Variants in PKHD1 observed in about 807,000 individuals in gnomAD.
The protein encoded by PKHD1 is fibrocystin.
Under a neutral mutation model 412.0 loss-of-function variants are expected in PKHD1, and 291 were observed. That is an observed-to-expected ratio of 0.71 (90% CI 0.64 to 0.78). The LOEUF is 0.78. Among genes scored for constraint, PKHD1 ranks in the 30% least tolerant of loss-of-function variants. The probability of loss-of-function intolerance (pLI) is 0.00; values close to 1 mark genes in which losing one functional copy is unlikely to be tolerated. For missense variants in PKHD1, 4,825 were observed against 4,950.7 expected, an observed-to-expected ratio of 0.97 and a Z score of 0.76; for synonymous variants, 1,777 against 1,821.5, an observed-to-expected ratio of 0.98 and a Z score of 0.62.
intron 27 of PKHD1, among the ~76,000 whole-genome samples, chr6:52,041,508 T>C (rs1804887217): frequency 1.3e-5 from 2 of 152,140 alleles, no homozygotes; most frequent in African/African-American, 4.8e-5. Flanking sequence ...GATTAACTCA[T>C]AGGTGGCAGG....
Position 51,855,985 on chromosome 6 carries a change from A to G in PKHD1, c.7819T>C (p.Leu2607=). The G allele has an allele frequency of 6.2e-7, 1 of 1,610,584 alleles. No individual in the cohort carries two copies. ...GCCATCCAGCCACGAGGGTTAGACA[A>G]TGTATCACGTACATAATTGACAGTG... ...TTTVNYVRDT[L]SNPRGWMALL... Residue 2607 remains leucine, a synonymous_variant, in exon 49 of 67, where the codon TTG becomes CTG. Coordinates refer to ENST00000371117, the MANE Select transcript of PKHD1 (RefSeq NM_138694.4).
chr6:51,618,922 T>C lies in PKHD1; in HGVS notation c.*159A>G. 1.4e-6 allele frequency: 1 copy of C among 721,274 alleles called. No homozygotes were observed. The highest frequency in any genetic ancestry group is 1.7e-5 in the African/African-American group (1 of 57,370). The allele number at this position is 721,274 out of a possible 1,614,324, so 44.7% of individuals were successfully genotyped here. On this transcript the variant is annotated 3_prime_UTR_variant, in exon 67 of 67. Transcript: ENST00000371117. ...AGACATTTTTCAGTCTGTAAGCATT[T>C]ATATGACTGTTTTCCATTTTAAAGT... is the stretch of plus-strand genomic sequence containing the variant.
chr6:52,003,747 T>C (rs1326570574), intron 35 of PKHD1, among the ~76,000 whole-genome samples: 1 of 152,240 alleles, frequency 6.6e-6, no homozygotes, highest in Non-Finnish European at 1.5e-5. Context: ...TTCAACTGAT[T>C]ACCATAGCTT....
At chr6:51,642,411 G>T (rs757822160) in intron 63 of PKHD1, among the ~76,000 whole-genome samples, 1 of 152,154 alleles carries the variant, frequency 6.6e-6, no homozygotes, top group African/African-American at 2.4e-5. Flanking sequence ...TATGAGTAAG[G>T]TACAGACTAT....
At chr6:51,619,557 G>A in intron 66 of PKHD1, 37 bp from the exon 67 acceptor site, 1 of 1,540,784 alleles carries the variant, frequency 6.5e-7, no homozygotes, top group Non-Finnish European at 9.0e-7. Context: ...AATGGATTTA[G>A]TTTTCAACCA....
At chr6:51,652,559 CTT>C (rs1207566499) in intron 61 of PKHD1, among the ~76,000 whole-genome samples, 1 of 9,446 alleles carries the variant, frequency 1.1e-4, no homozygotes, top group Admixed American at 1.4e-3. Flanking sequence ...TTTTATCTCT[CTT>C]GTTTTTTTTT....
chr6:52,082,144 C>A lies in PKHD1; in HGVS notation c.281+248G>T, dbSNP rs537605979. ...CCATAGAACTCTTTGCAAAAAAAAA[C>A]AAATGGAAACACAATCCAGCCCCTC... On this transcript the variant is annotated intron_variant, in intron 4 of 66. Coordinates refer to ENST00000371117, the MANE Select transcript of PKHD1 (RefSeq NM_138694.4). Among the ~76,000 whole-genome samples the A allele has an allele frequency of 5.3e-5, 8 of 151,830 alleles. No individual in the cohort carries two copies. The East Asian group carries it at 7.7e-4, about 15-fold the overall frequency.
chr6:51,783,799 T>C (rs1253679774), intron 53 of PKHD1, among the ~76,000 whole-genome samples: 3 of 152,210 alleles, frequency 2.0e-5, no homozygotes, highest in East Asian at 3.8e-4. Flanking sequence ...AAAATGAAAA[T>C]ACTTTGAATC....
chr6:51,938,091 T>G (rs1450474560), intron 36 of PKHD1, among the ~76,000 whole-genome samples: 1 of 151,320 alleles, frequency 6.6e-6, no homozygotes, highest in Admixed American at 6.6e-5. Flanking sequence ...TTTGTAAAAC[T>G]AATGAAAGGC....
rs781231953 is a variant in PKHD1, at chr6:52,045,036, A to G, written c.2645T>C (p.Val882Ala). ...GVNPAAATRV[V>A]YDGGVFLGPI... ...TCCAAGAAAAACTCCACCATCATAT[A>G]CCACACGCGTGGCTGCAGCAGGATT... is the stretch of plus-strand genomic sequence containing the variant. Residue 882 changes from valine (V) to alanine (A), a missense_variant, in exon 25 of 67, where the codon GTA becomes GCA. Physicochemically the swap from Val to Ala is moderately conservative, Grantham distance 64. Transcript: ENST00000371117. 4 of 1,613,262 alleles carry G rather than the reference A, an allele frequency of 2.5e-6. No individual in the cohort carries two copies. The Admixed American group carries it at 6.7e-5, about 27-fold the overall frequency.
At chr6:51,778,041 A>G (rs1418417549) in intron 53 of PKHD1, among the ~76,000 whole-genome samples, 4 of 152,154 alleles carry the variant, frequency 2.6e-5, no homozygotes, top group Admixed American at 2.6e-4. Flanking sequence ...CTATTGCAAC[A>G]TAAAAATGAA....
In PKHD1 at chr6:51,866,820, T is replaced by C. The variant is rs569976005; in HGVS notation, c.7733+1043A>G. Among the ~76,000 whole-genome samples the C allele has an allele frequency of 9.8e-4, 149 of 152,284 alleles. 1 individual carries two copies. The highest frequency in any genetic ancestry group is 1.8e-3 in the Non-Finnish European group (121 of 68,002). On this transcript the variant is annotated intron_variant, in intron 48 of 66. Transcript: ENST00000371117. ...ATCCCTGAGAATGAAGAAAAAGTCA[T>C]GCTCTGCACAATCAAAATGATTAGA... is the stretch of plus-strand genomic sequence containing the variant.
In PKHD1 at chr6:51,802,787, TTC is replaced by T. The variant is rs570566690; in HGVS notation, c.8303-11416_8303-11415del. 3.2e-4 allele frequency among the ~76,000 whole-genome samples: 48 copies of T among 151,354 alleles called. 1 individual carries two copies. The highest frequency in any genetic ancestry group is 1.2e-3 in the African/African-American group (47 of 40,788). On this transcript the variant is annotated intron_variant, in intron 52 of 66. Transcript: ENST00000371117. ...ATCAGGTCTTTTTTGAAAATAAATC[TTC>T]TCTTTTTGTCTCTGCTTGACACTAG...
Position 52,061,461 on chromosome 6 carries a change from A to C in PKHD1, c.1118+1058T>G, listed in dbSNP as rs75676837. On this transcript the variant is annotated intron_variant, in intron 14 of 66. Coordinates refer to ENST00000371117, the MANE Select transcript of PKHD1 (RefSeq NM_138694.4). ...TGGGATTACAGGCTCAAGCCATAGCATCCAGCCTTAACTGCCACTTTAAAA... is the reference window on the plus strand; with the variant it reads ...TGGGATTACAGGCTCAAGCCATAGCCTCCAGCCTTAACTGCCACTTTAAAA... Among the ~76,000 whole-genome samples the C allele has an allele frequency of 8.6e-3, 1,311 of 152,202 alleles. 21 individuals are homozygous for C. Among genetic ancestry groups the C allele is most frequent in the African/African-American group, 0.029 (1,214 of 41,542 alleles).
At chr6:51,712,981 T>C (rs1479213937) in intron 60 of PKHD1, among the ~76,000 whole-genome samples, 1 of 152,190 alleles carries the variant, frequency 6.6e-6, no homozygotes, top group African/African-American at 2.4e-5. Flanking sequence ...CGGAAATCAG[T>C]TTCATATGTA....
intron 37 of PKHD1, among the ~76,000 whole-genome samples, chr6:51,926,124 A>T (rs182984958): frequency 5.1e-4 from 78 of 152,318 alleles, no homozygotes; most frequent in Non-Finnish European, 8.2e-4. Context: ...CCGAAGGAGC[A>T]ATGTCAAACG....
At chr6:51,717,892 G>A (rs1049307828) in intron 60 of PKHD1, among the ~76,000 whole-genome samples, 7 of 152,208 alleles carry the variant, frequency 4.6e-5, no homozygotes, top group Non-Finnish European at 7.3e-5. Flanking sequence ...AGCCAGTGAC[G>A]TAGGCAAAGG....
At chr6:51,724,174 T>A (rs1487366502) in intron 60 of PKHD1, among the ~76,000 whole-genome samples, 2 of 152,208 alleles carry the variant, frequency 1.3e-5, no homozygotes, top group Non-Finnish European at 2.9e-5. Context: ...TGTATCTGCA[T>A]AATAAGACAA....
At chr6:51,762,288 T>C (rs1788143794) in intron 55 of PKHD1, among the ~76,000 whole-genome samples, 1 of 152,088 alleles carries the variant, frequency 6.6e-6, no homozygotes, top group South Asian at 2.1e-4. Context: ...TAAGATTGGT[T>C]GACAAAGTAA....
Sources: gnomAD v4.1 joint callset for allele counts (sites outside exome capture counted in the v4.1 genomes callset) on GRCh38, gnomAD v4.1.1 for gene constraint, MANE v1.5 for transcripts, NCBI Gene and HGNC (gene_info 2026-07-23, HGNC 2026-07-21) for gene names.